Variants in NCOR2 observed in about 807,000 individuals in gnomAD.
The protein encoded by NCOR2 is nuclear receptor corepressor 2.
In NCOR2, 81 loss-of-function variants were observed where a neutral mutation model predicts 262.9. The observed-to-expected ratio is 0.31, with a 90% CI of 0.26 to 0.37. The LOEUF (loss-of-function observed/expected upper bound fraction) is 0.37. Among genes scored for constraint, NCOR2 ranks in the 10% least tolerant of loss-of-function variants. The pLI, the probability that NCOR2 is intolerant of heterozygous loss-of-function variation, is 1.00. For missense variants in NCOR2, 3,385 were observed against 3,621.4 expected (o/e 0.93, Z 1.68); for synonymous variants, 1,659 against 1,559.3 (o/e 1.06, Z -1.51).
At chr12:124,340,889 G>T in intron 34 of NCOR2, 138 bp from the exon 37 acceptor site, 2 of 830,262 alleles carry the variant, frequency 2.4e-6, no homozygotes, top group Non-Finnish European at 3.3e-6. Context: ...TCCCTCCTCG[G>T]CTCCCAGCAC....
At chr12:124,533,055 C>G (rs956201566) in intron 1 of NCOR2, among the ~76,000 whole-genome samples, 2 of 143,114 alleles carry the variant, frequency 1.4e-5, no homozygotes, top group South Asian at 4.8e-4. Flanking sequence ...TCCTCCCCCA[C>G]CCCAGTCCCA....
intron 16 of NCOR2, among the ~76,000 whole-genome samples, chr12:124,392,823 T>C (rs1018265641): frequency 1.3e-5 from 2 of 152,194 alleles, no homozygotes; most frequent in African/African-American, 4.8e-5. Context: ...TGCACAGCAA[T>C]GGGTGGTTCC....
intron 1 of NCOR2, among the ~76,000 whole-genome samples, chr12:124,543,231 C>G (rs544288604): frequency 2.6e-5 from 4 of 152,318 alleles, no homozygotes; most frequent in African/African-American, 9.6e-5. Flanking sequence ...GGAGCAACCC[C>G]GTGCCCTGCC....
chr12:124,418,472 G>A (rs1036081832), intron 13 of NCOR2, among the ~76,000 whole-genome samples: 1 of 24,716 alleles, frequency 4.0e-5, no homozygotes. Flanking sequence ...CCTGGGAAAG[G>A]GAAGGCGGGG....
intron 4 of NCOR2, 75 bp from the exon 7 acceptor site, chr12:124,466,361 G>A: frequency 2.8e-6 from 4 of 1,404,340 alleles, no homozygotes; most frequent in Non-Finnish European, 3.9e-6. Flanking sequence ...CAGGGCGCGG[G>A]GAGGCCCCCT....
intron 1 of NCOR2, among the ~76,000 whole-genome samples, chr12:124,559,335 T>G (rs886233170): frequency 6.6e-6 from 1 of 152,144 alleles, no homozygotes. Context: ...GGTACCACAG[T>G]GCTGAGCCCC....
intron 27 of NCOR2, among the ~76,000 whole-genome samples, chr12:124,353,234 T>C (rs2037653192): frequency 6.6e-6 from 1 of 152,208 alleles, no homozygotes; most frequent in African/African-American, 2.4e-5. Flanking sequence ...GGAATACTGT[T>C]AGCAAAGGGG....
At chr12:124,364,792 G>A (rs564441274) in intron 20 of NCOR2, among the ~76,000 whole-genome samples, 84 of 152,320 alleles carry the variant, frequency 5.5e-4, no homozygotes, top group African/African-American at 2.0e-3. Flanking sequence ...GTGGCTGCCC[G>A]GGGCTGCCCA....
upstream of NCOR2, among the ~76,000 whole-genome samples, chr12:124,498,237 T>C (rs1055008819): frequency 6.6e-6 from 1 of 152,216 alleles, no homozygotes; most frequent in Non-Finnish European, 1.5e-5. Context: ...CCCAGTGAGA[T>C]GCTGCCTGGG....
At chr12:124,480,369 G>T (rs1403978045) in intron 3 of NCOR2, among the ~76,000 whole-genome samples, 1 of 152,234 alleles carries the variant, frequency 6.6e-6, no homozygotes, top group African/African-American at 2.4e-5. Context: ...GGCCTGGGCA[G>T]TCAGACACAG....
At chr12:124,335,248 G>A in exon 40 of NCOR2, 1 of 1,607,828 alleles carries the variant, frequency 6.2e-7, no homozygotes, top group African/African-American at 1.3e-5. Context: ...AGGTGTGGGA[G>A]GTGGGCGGCC....
chr12:124,487,904 A>C (rs1283374644), intron 1 of NCOR2, among the ~76,000 whole-genome samples: 1 of 150,436 alleles, frequency 6.6e-6, no homozygotes, highest in East Asian at 2.0e-4. Flanking sequence ...GACAGTAACA[A>C]GCCTCTCAAA....
At chr12:124,333,526 G>A (rs986558456) in intron 41 of NCOR2, among the ~76,000 whole-genome samples, 7 of 151,896 alleles carry the variant, frequency 4.6e-5, no homozygotes, top group Admixed American at 1.3e-4. Context: ...CAGAGGGCCC[G>A]GGCTAGATCT....
chr12:124,472,964 C>T (rs1326299117), exon 4 of NCOR2: 4 of 1,614,202 alleles, frequency 2.5e-6, no homozygotes, highest in South Asian at 1.1e-5. Context: ...GCTTCTTCTT[C>T]AGCTTAGAGA....
At chr12:124,333,323 C>T (rs781576098) in intron 41 of NCOR2, 44 bp from the exon 44 acceptor site, 2 of 1,482,266 alleles carry the variant, frequency 1.3e-6, no homozygotes, top group Non-Finnish European at 1.8e-6. Flanking sequence ...GGTCTCCCTA[C>T]TGAGGGGGCG....
upstream of NCOR2, chr12:124,567,470 G>C (rs2052286606): frequency 6.7e-6 from 1 of 148,894 alleles, no homozygotes; most frequent in South Asian, 2.1e-4. Context: ...CCGGCCCTGG[G>C]TCCCCGGCCC....
At chr12:124,353,320 T>C (rs192547331) in intron 27 of NCOR2, among the ~76,000 whole-genome samples, 2 of 152,346 alleles carry the variant, frequency 1.3e-5, no homozygotes, top group Admixed American at 6.5e-5. Flanking sequence ...AGCCTGACTT[T>C]TGTCCAAAGC....
At chr12:124,502,493 G>T (rs910864579) in intron 1 of NCOR2, among the ~76,000 whole-genome samples, 2 of 152,174 alleles carry the variant, frequency 1.3e-5, no homozygotes, top group Admixed American at 1.3e-4. Flanking sequence ...GTCACCAGAG[G>T]TGCCTTTTAT....
rs539004340 is a variant in NCOR2 at position 124,375,900 on chromosome 12, C to T, written c.2168-1437G>A. ...GCCCCCGGGGAGGGGCCTGCAGTGC[C>T]GCTGGGGCTGGCTGGGTCTCCGGGG... is the stretch of plus-strand genomic sequence containing the variant. On this transcript the variant is annotated intron_variant, in intron 18 of 46. Coordinates refer to ENST00000405201, the Ensembl canonical transcript of NCOR2. Among the ~76,000 whole-genome samples the T allele has an allele frequency of 1.8e-3, 269 of 152,310 alleles. 2 individuals are homozygous for T. The highest frequency in any genetic ancestry group is 6.3e-3 in the African/African-American group (261 of 41,562).
Sources: gnomAD v4.1 joint callset for allele counts (sites outside exome capture counted in the v4.1 genomes callset) on GRCh38, gnomAD v4.1.1 for gene constraint, MANE v1.5 for transcripts, NCBI Gene and HGNC (gene_info 2026-07-23, HGNC 2026-07-21) for gene names.